Variants in PKD1L1 observed in about 807,000 individuals in gnomAD.
The protein encoded by PKD1L1 is polycystin-1-like protein 1.
Under a neutral mutation model 323.4 loss-of-function variants are expected in PKD1L1, and 236 were observed. The ratio of observed to expected loss-of-function variants is 0.73; its 90% CI spans 0.66 to 0.81. PKD1L1 has a LOEUF of 0.81. Ranked by LOEUF, PKD1L1 falls within the 40% of genes least tolerant of loss-of-function variation. The pLI is 0.00. For synonymous variants in PKD1L1, 1,344 were observed against 1,335.0 expected, an observed-to-expected ratio of 1.01 and a Z score of -0.15; for missense variants, 3,320 against 3,508.0, an observed-to-expected ratio of 0.95 and a Z score of 1.35.
rs148356236 is a variant in PKD1L1, at chr7:47,792,779, A to G, written c.8374T>C (p.Phe2792Leu). The change falls in exon 56 of 57, where the codon TTT becomes CTT. Residue 2792 changes from phenylalanine to leucine, a missense_variant. Coordinates refer to ENST00000289672, the MANE Select transcript of PKD1L1 (RefSeq NM_138295.5). The part of the protein sequence containing the change: ...VENHNYYLDE[F>L]ANLLDELLMK... ...AGAAGTTCGTCTAACAGATTTGCAA[A>G]TTCATCCAAGTAGTAATTCTGAAGG... The G allele has an allele frequency of 1.1e-3, 1,826 of 1,613,572 alleles. 13 individuals carry two copies. The highest frequency in any genetic ancestry group is 6.7e-3 in the East Asian group (299 of 44,856).
chr7:47,842,837 C>T, intron 34 of PKD1L1, 125 bp downstream of exon 34: 3 of 913,360 alleles, frequency 3.3e-6, no homozygotes, highest in Non-Finnish European at 4.9e-6. Flanking sequence ...GCAAGCTTTG[C>T]CTCAGCAATG....
chr7:47,864,526 C>T (rs1167131088), intron 26 of PKD1L1, among the ~76,000 whole-genome samples: 1 of 152,170 alleles, frequency 6.6e-6, no homozygotes, highest in African/African-American at 2.4e-5. Context: ...TCCATTTCTA[C>T]TTTGGGATTC....
At position 47,811,867 on chromosome 7, in the gene PKD1L1, T is replaced by C. The variant is rs778885665; in HGVS notation, c.7531A>G (p.Ser2511Gly). The change falls in exon 50 of 57, where the codon AGC (serine) becomes GGC (glycine). Residue 2511 changes from serine (S) to glycine (G), a missense_variant. Transcript: ENST00000289672. ...AGGGCTGAGTCGCTGCGGAAGATGC[T>C]GAATGACTCCACCAGGGATGAGGGG... The part of the protein sequence containing the change: ...LVPSSLVESF[S>G]IFRSDSALQY... 5 of 1,611,124 alleles carry C rather than the reference T, an allele frequency of 3.1e-6. No homozygotes were observed. Among genetic ancestry groups the C allele is most frequent in the South Asian group, 1.1e-5 (1 of 90,082 alleles).
Position 47,943,525 on chromosome 7 carries a change from A to G in PKD1L1, c.45-14T>C. The G allele has an allele frequency of 6.3e-7, 1 of 1,599,436 alleles. No homozygotes were observed. The highest frequency in any genetic ancestry group is 1.1e-5 in the South Asian group (1 of 90,818). ...GCCTGGAGACACCTAAGGGAAAGAA[A>G]ATAACCAGAGGAAAATTAAATTAAG... On this transcript the variant is annotated splice_polypyrimidine_tract_variant and intron_variant, in intron 1 of 56. Transcript: ENST00000289672.
intron 40 of PKD1L1, among the ~76,000 whole-genome samples, chr7:47,834,051 C>T (rs1317010123): frequency 6.6e-6 from 1 of 152,234 alleles, no homozygotes; most frequent in Non-Finnish European, 1.5e-5. Flanking sequence ...CTGAATTCTT[C>T]TGGGCTTCAC....
chr7:47,818,987 A>G (rs1336942375), intron 46 of PKD1L1, among the ~76,000 whole-genome samples: 1 of 152,124 alleles, frequency 6.6e-6, no homozygotes, highest in African/African-American at 2.4e-5. Flanking sequence ...CTGGCAACCA[A>G]ACATGAGTTG....
At chr7:47,796,467 G>A (rs1365817919) in intron 54 of PKD1L1, among the ~76,000 whole-genome samples, 1 of 152,204 alleles carries the variant, frequency 6.6e-6, no homozygotes, top group Non-Finnish European at 1.5e-5. Flanking sequence ...CTCAGTTTCA[G>A]TGTCCCCTGG....
At chr7:47,864,567 T>TTTTCTTTCTTTTC (rs1210064623) in intron 26 of PKD1L1, among the ~76,000 whole-genome samples, 9 of 145,076 alleles carry the variant, frequency 6.2e-5, no homozygotes, top group African/African-American at 2.0e-4. Flanking sequence ...TTCTTTTTCT[T>TTTTCTTTCTTTTC]TTTCTTTCTT....
intron 16 of PKD1L1, 66 bp from the exon 17 acceptor site, chr7:47,888,216 T>C: frequency 2.7e-6 from 4 of 1,500,576 alleles, no homozygotes; most frequent in Non-Finnish European, 3.7e-6. Context: ...TCACATTAAT[T>C]CATGTTAGGC....
chr7:47,807,408 A>G (rs902693834), intron 52 of PKD1L1, among the ~76,000 whole-genome samples: 6 of 152,016 alleles, frequency 3.9e-5, no homozygotes, highest in South Asian at 2.1e-4. Flanking sequence ...AGATGAATGG[A>G]CCTGGGGAGA....
At position 47,869,070 on chromosome 7, in the gene PKD1L1, A is replaced by G. The variant is rs187049416; in HGVS notation, c.3897-2456T>C. On this transcript the variant is annotated intron_variant, in intron 24 of 56. Transcript: ENST00000289672. ...ATTTGAAGTAGTTTCTAGTAAGTTA[A>G]GGTGTATATTGTAAGCCTTAGTGCA... is the stretch of plus-strand genomic sequence containing the variant. 2.4e-3 allele frequency among the ~76,000 whole-genome samples: 369 copies of G among 152,330 alleles called. 1 individual carries two copies. Among genetic ancestry groups the G allele is most frequent in the Middle Eastern group, 0.017 (5 of 294 alleles).
intron 25 of PKD1L1, among the ~76,000 whole-genome samples, chr7:47,865,863 G>C (rs1202642720): frequency 6.6e-6 from 1 of 151,728 alleles, no homozygotes; most frequent in Non-Finnish European, 1.5e-5. Flanking sequence ...CCAAAGTGCT[G>C]GGATTACAGG....
rs186231577 is a variant in PKD1L1 at position 47,891,483 on chromosome 7, C to A, written c.2454-720G>T. ...TGTGGCTAGGAAGGCCTGGCCCCAT[C>A]CCGCAGCCATAAGCCCTTTTCAAAG... On this transcript the variant is annotated intron_variant, in intron 15 of 56. Transcript: ENST00000289672. 1.0e-3 allele frequency among the ~76,000 whole-genome samples: 153 copies of A among 152,344 alleles called. 2 individuals are homozygous for A. The highest frequency in any genetic ancestry group is 3.6e-3 in the African/African-American group (149 of 41,576).
chr7:47,848,946 T>C (rs1415123795), intron 31 of PKD1L1, among the ~76,000 whole-genome samples: 1 of 152,164 alleles, frequency 6.6e-6, no homozygotes, highest in East Asian at 1.9e-4. Flanking sequence ...GACTTCAAAC[T>C]ATACAACGAG....
chr7:47,788,314 T>G (rs1022335532), intron 56 of PKD1L1, among the ~76,000 whole-genome samples: 9 of 150,158 alleles, frequency 6.0e-5, no homozygotes, highest in Non-Finnish European at 1.0e-4. Flanking sequence ...ATATTTTTAT[T>G]TTATTTATTC....
intron 31 of PKD1L1, 28 bp downstream of exon 31, chr7:47,853,099 G>C (rs1335448563): frequency 6.9e-7 from 1 of 1,458,910 alleles, no homozygotes. Flanking sequence ...TAAACAGAAA[G>C]GGAAAATAAG....
intron 31 of PKD1L1, among the ~76,000 whole-genome samples, chr7:47,851,391 A>G (rs974785186): frequency 5.3e-5 from 8 of 152,294 alleles, no homozygotes; most frequent in Admixed American, 2.6e-4. Flanking sequence ...GAGGTGAACT[A>G]AACACATTGA....
In PKD1L1 at chr7:47,813,115, A is replaced by AC. The variant is rs771713029; in HGVS notation, c.7346+5dup. 1.1e-5 allele frequency: 17 copies of AC among 1,611,282 alleles called. No individual in the cohort carries two copies. The highest frequency in any genetic ancestry group is 2.7e-5 in the African/African-American group (2 of 74,802). On this transcript the variant is annotated splice_donor_region_variant and intron_variant, in intron 49 of 56. Transcript: ENST00000289672. Reference sequence around the variant, plus strand: ...GATGAGCCCCGGCCCTTCGAATCTCACTGACCTTGTTCTGCCCAGGCTGAG... The same window carrying AC: ...GATGAGCCCCGGCCCTTCGAATCTCACCTGACCTTGTTCTGCCCAGGCTGAG...
chr7:47,822,594 CAAAAAAAAAA>C (rs745820560), intron 45 of PKD1L1, among the ~76,000 whole-genome samples: 1 of 71,402 alleles, frequency 1.4e-5, no homozygotes, highest in Non-Finnish European at 2.5e-5. Context: ...GACTCCGTCT[CAAAAAAAAAA>C]AAAAAAAAAA....
Sources: gnomAD v4.1 joint callset for allele counts (sites outside exome capture counted in the v4.1 genomes callset) on GRCh38, gnomAD v4.1.1 for gene constraint, MANE v1.5 for transcripts, NCBI Gene and HGNC (gene_info 2026-07-23, HGNC 2026-07-21) for gene names.